RAP1GAP2: variants seen among roughly 807,000 people sequenced by gnomAD.
RAP1GAP2 encodes the protein RAP1 GTPase activating protein 2.
Under a neutral mutation model 95.0 loss-of-function variants are expected in RAP1GAP2, and 27 were observed. The observed-to-expected ratio is 0.28, with a 90% CI of 0.21 to 0.39. The LOEUF (loss-of-function observed/expected upper bound fraction) is 0.39, where lower values mean the gene tolerates loss of function less well. RAP1GAP2 is among the 10% of genes least tolerant of loss of function. The pLI, the probability that RAP1GAP2 is intolerant of heterozygous loss-of-function variation, is 1.00. For missense variants in RAP1GAP2, 771 were observed against 970.0 expected (o/e 0.79, Z 2.72); for synonymous variants, 373 against 380.9 (o/e 0.98, Z 0.24).
chr17:2,843,380 G>T (rs898302013), intron 2 of RAP1GAP2, among the ~76,000 whole-genome samples: 2 of 151,920 alleles, frequency 1.3e-5, no homozygotes, highest in Admixed American at 1.3e-4. Context: ...CCACCTCCTG[G>T]GTTCAAGCTA....
intron 3 of RAP1GAP2, among the ~76,000 whole-genome samples, chr17:2,942,706 C>G (rs2043542123): frequency 6.6e-6 from 1 of 152,092 alleles, no homozygotes; most frequent in East Asian, 1.9e-4. Flanking sequence ...AAGTGAACAA[C>G]TCAGTGGCGT....
intron 3 of RAP1GAP2, among the ~76,000 whole-genome samples, chr17:2,941,537 G>A (rs549347765): frequency 1.3e-5 from 2 of 152,336 alleles, no homozygotes; most frequent in African/African-American, 4.8e-5. Context: ...GTCCAGTTGA[G>A]GCACCGTGAG....
intron 2 of RAP1GAP2, among the ~76,000 whole-genome samples, chr17:2,807,072 T>C (rs2069553193): frequency 6.6e-6 from 1 of 151,888 alleles, no homozygotes. Context: ...AATTTTTGTA[T>C]TTTTAGTAGA....
chr17:2,897,978 T>A (rs955772507), intron 2 of RAP1GAP2, among the ~76,000 whole-genome samples: 1 of 148,298 alleles, frequency 6.7e-6, no homozygotes, highest in East Asian at 2.1e-4. Flanking sequence ...TGGAGTGCAG[T>A]GGCATGATTA....
At chr17:2,863,915 G>A (rs1455325544) in intron 2 of RAP1GAP2, among the ~76,000 whole-genome samples, 1 of 152,112 alleles carries the variant, frequency 6.6e-6, no homozygotes, top group Non-Finnish European at 1.5e-5. Flanking sequence ...AGCCAGGCGT[G>A]GTGGTGGGTG....
intron 13 of RAP1GAP2, among the ~76,000 whole-genome samples, chr17:2,996,960 C>A (rs988274549): frequency 2.6e-5 from 4 of 152,186 alleles, no homozygotes; most frequent in Non-Finnish European, 5.9e-5. Flanking sequence ...CTAGCCAGGA[C>A]TCGACATACA....
At chr17:2,945,512 T>C (rs574263510) in intron 3 of RAP1GAP2, among the ~76,000 whole-genome samples, 14 of 152,224 alleles carry the variant, frequency 9.2e-5, no homozygotes, top group Admixed American at 8.5e-4. Flanking sequence ...GTACACCCAA[T>C]GGTAGTGGTG....
At chr17:2,912,307 GT>G (rs1308136065) in intron 3 of RAP1GAP2, among the ~76,000 whole-genome samples, 2 of 150,750 alleles carry the variant, frequency 1.3e-5, no homozygotes, top group Admixed American at 6.6e-5. Flanking sequence ...GGGGTGGTGT[GT>G]GGGGGCTTCT....
chr17:2,805,044 G>A (rs11650062), intron 2 of RAP1GAP2, among the ~76,000 whole-genome samples: 13,301 of 152,202 alleles, frequency 0.087, 746 homozygotes, highest in East Asian at 0.18. Flanking sequence ...GTCTCTGAGA[G>A]CAGGGGCTCT....
intron 3 of RAP1GAP2, among the ~76,000 whole-genome samples, chr17:2,912,100 C>T (rs1044555426): frequency 6.6e-6 from 1 of 152,244 alleles, no homozygotes; most frequent in Non-Finnish European, 1.5e-5. Flanking sequence ...TGGCACGTGG[C>T]TCTCCACGGC....
In RAP1GAP2 at chr17:2,871,107, C is replaced by A. The variant is rs552718397; in HGVS notation, c.81-34177C>A. Among the ~76,000 whole-genome samples, 2 of 152,286 alleles carry A rather than the reference C, an allele frequency of 1.3e-5. No individual in the cohort carries two copies. Among genetic ancestry groups the A allele is most frequent in the African/African-American group, 4.8e-5 (2 of 41,552 alleles). ...AGTAGCTGGAATTCCAGGCATGCGC[C>A]GCCACACCTGGCTAATTTTTGTATT... On this transcript the variant is annotated intron_variant, in intron 2 of 24. Transcript: ENST00000254695. The surrounding 1 kb of genome is among the most constrained non-coding windows in gnomAD (Gnocchi z 5.0).
rs1397868597 is a variant in RAP1GAP2, at chr17:3,003,093, G to A, written c.1201-2276G>A. Among the ~76,000 whole-genome samples the A allele has an allele frequency of 6.6e-6, 1 of 152,122 alleles. No individual in the cohort carries two copies. The highest frequency in any genetic ancestry group is 6.5e-5 in the Admixed American group (1 of 15,270). ...TCTTGAATCCTGACAAGCCCCTGGT[G>A]AGACAAGACCTCTCGCTAGAGGGAG... On this transcript the variant is annotated intron_variant, in intron 14 of 24. Coordinates refer to ENST00000254695, the MANE Select transcript of RAP1GAP2 (RefSeq NM_015085.5). This position sits in a 1 kb window ranked among gnomAD's most constrained non-coding sequence, Gnocchi z 4.1.
chr17:2,935,664 C>T (rs2043285505), intron 3 of RAP1GAP2, among the ~76,000 whole-genome samples: 2 of 152,196 alleles, frequency 1.3e-5, no homozygotes, highest in African/African-American at 4.8e-5. Context: ...CGTTCGATCA[C>T]TGTTGCAATG....
intron 4 of RAP1GAP2, among the ~76,000 whole-genome samples, chr17:2,958,817 G>T (rs144985548): frequency 6.6e-6 from 1 of 152,076 alleles, no homozygotes; most frequent in Admixed American, 6.5e-5. Flanking sequence ...CCTGAGATGT[G>T]GGCCAAGCAG....
intron 1 of RAP1GAP2, among the ~76,000 whole-genome samples, chr17:2,789,781 G>GAA (rs35791780): frequency 0.35 from 24,961 of 71,470 alleles, 4,645 homozygotes; most frequent in South Asian, 0.4. Flanking sequence ...GACTCCATCT[G>GAA]AAAAAAAAAA....
chr17:2,778,466 C>T (rs2068559508), intron 1 of RAP1GAP2, among the ~76,000 whole-genome samples: 1 of 152,092 alleles, frequency 6.6e-6, no homozygotes, highest in Non-Finnish European at 1.5e-5. Context: ...GGGAGGTGGC[C>T]TCAGCTCCAG....
intron 8 of RAP1GAP2, among the ~76,000 whole-genome samples, chr17:2,979,729 T>C (rs4790398): frequency 0.77 from 116,153 of 151,692 alleles, 44,852 homozygotes; most frequent in African/African-American, 0.87. Context: ...CTTCCCAAAG[T>C]GCTGGGATTA....
chr17:2,840,073 ACCAC>A (rs2071305068), intron 2 of RAP1GAP2, among the ~76,000 whole-genome samples: 1 of 151,632 alleles, frequency 6.6e-6, no homozygotes, highest in South Asian at 2.1e-4. Flanking sequence ...CATCCTGATA[ACCAC>A]TGTTGATGTT....
Position 2,965,763 on chromosome 17 carries a change from C to A in RAP1GAP2, c.596+120C>A. ...GACCAGTCTGGTCTGGGTGCACTGGCTGACGGGGACAGGCCTGCTGGAATC... is the reference window on the plus strand; with the variant it reads ...GACCAGTCTGGTCTGGGTGCACTGGATGACGGGGACAGGCCTGCTGGAATC... On this transcript the variant is annotated intron_variant, in intron 8 of 24. Coordinates refer to ENST00000254695, the MANE Select transcript of RAP1GAP2 (RefSeq NM_015085.5). The surrounding 1 kb of genome is among the most constrained non-coding windows in gnomAD (Gnocchi z 4.7). 2 of 746,526 alleles carry A rather than the reference C, an allele frequency of 2.7e-6. No individual in the cohort carries two copies. Among genetic ancestry groups the A allele is most frequent in the Non-Finnish European group, 4.4e-6 (2 of 452,302 alleles). 46.2% of individuals were successfully genotyped at this position (746,526 alleles called of 1,614,324 possible). A position where few individuals can be genotyped will look rare whatever the true frequency, so the allele number is the denominator to read the frequency against.
Sources: gnomAD v4.1 joint callset for allele counts (sites outside exome capture counted in the v4.1 genomes callset) on GRCh38, gnomAD v4.1.1 for gene constraint, Gnocchi (gnomAD v3.1) non-coding constraint, MANE v1.5 for transcripts, NCBI Gene and HGNC (gene_info 2026-07-23, HGNC 2026-07-21) for gene names.